The following ELK4 variants were observed in gnomAD, a reference collection of about 807,000 sequenced individuals.
The protein encoded by ELK4 is ETS transcription factor ELK4, also known as ETS domain-containing protein Elk-4.
In ELK4, 16 loss-of-function variants were observed where a neutral mutation model predicts 29.6. The ratio of observed to expected loss-of-function variants is 0.54; its 90% CI spans 0.37 to 0.82. The LOEUF is 0.82. Ranked by LOEUF, ELK4 falls within the 40% of genes least tolerant of loss-of-function variation. The probability of loss-of-function intolerance (pLI) is 0.00; values close to 1 mark genes in which losing one functional copy is unlikely to be tolerated. For synonymous variants in ELK4, 213 were observed against 191.1 expected (o/e 1.11, Z -0.95); for missense variants, 465 against 507.1 (o/e 0.92, Z 0.80).
intron 1 of ELK4, among the ~76,000 whole-genome samples, chr1:205,625,022 TCA>T: frequency 1.3e-5 from 2 of 152,094 alleles, no homozygotes; most frequent in Middle Eastern, 6.8e-3. Context: ...ATTGAATACT[TCA>T]CACACACAAA....
intron 3 of ELK4, chr1:205,619,740 T>C (rs1275656977): frequency 1.4e-6 from 2 of 1,469,220 alleles, no homozygotes; most frequent in Non-Finnish European, 1.8e-6. Flanking sequence ...AAAATATTTA[T>C]TTACTTGTAG....
At chr1:205,618,893 C>T (rs1478399618) in intron 4 of ELK4, 64 bp downstream of exon 4, 8 of 1,219,650 alleles carry the variant, frequency 6.6e-6, no homozygotes, top group South Asian at 2.7e-5. Context: ...TGGGACCCTG[C>T]CTTTTTGCCT....
chr1:205,627,381 C>T (rs1231541889), intron 1 of ELK4, among the ~76,000 whole-genome samples: 1 of 151,816 alleles, frequency 6.6e-6, no homozygotes, highest in Non-Finnish European at 1.5e-5. Context: ...TGGTGGTGGG[C>T]GCCTGTAGTC....
intron 4 of ELK4, among the ~76,000 whole-genome samples, chr1:205,618,382 G>A (rs1670271805): frequency 6.6e-6 from 1 of 151,818 alleles, no homozygotes; most frequent in Non-Finnish European, 1.5e-5. Context: ...ACTTGGGGTA[G>A]GCTCTAAATC....
In ELK4 at chr1:205,631,978, C is replaced by T. The variant is rs1303401972; in HGVS notation, c.-356G>A. 3.3e-5 allele frequency: 5 copies of T among 151,870 alleles called. No individual in the cohort carries two copies. Among genetic ancestry groups the T allele is most frequent in the Non-Finnish European group, 7.4e-5 (5 of 67,924 alleles). 9.4% of individuals were successfully genotyped at this position (151,870 alleles called of 1,614,324 possible). A position where few individuals can be genotyped will look rare whatever the true frequency, so the allele number is the denominator to read the frequency against. The stretch of plus-strand genomic sequence containing the variant: ...CCGCGGCCGCCGCCACTCTCAAACC[C>T]CCCGACTGCTCCTGGGTCCCTCCCA... On this transcript the variant is annotated 5_prime_UTR_variant, in exon 1 of 5. Transcript: ENST00000357992.
chr1:205,625,497 C>G, intron 1 of ELK4: 1 of 715,958 alleles, frequency 1.4e-6, no homozygotes, highest in African/African-American at 1.8e-5. Context: ...AATTCGTGTA[C>G]AAAGAAGAGC....
chr1:205,616,418 G>T lies in ELK4; in HGVS notation c.*128C>A. The T allele has an allele frequency of 1.2e-6, 1 of 804,788 alleles. No homozygotes were observed. Among genetic ancestry groups the T allele is most frequent in the Non-Finnish European group, 2.0e-6 (1 of 505,706 alleles). 49.9% of individuals were successfully genotyped at this position (804,788 alleles called of 1,614,324 possible). ...AGAATCCTAAAAAGATGTTTTCAAT[G>T]GGGAATGGCAAAAATCACAATAGTC... On this transcript the variant is annotated 3_prime_UTR_variant, in exon 5 of 5. Coordinates refer to ENST00000357992, the MANE Select transcript of ELK4 (RefSeq NM_001973.4).
Position 205,620,112 on chromosome 1 carries a change from T to C in ELK4, c.934A>G (p.Lys312Glu), listed in dbSNP as rs1670304745. The C allele has an allele frequency of 6.2e-7, 1 of 1,614,116 alleles. No homozygotes were observed. Among genetic ancestry groups the C allele is most frequent in the African/African-American group, 1.3e-5 (1 of 74,936 alleles). The change falls in exon 3 of 5, where the codon AAA becomes GAA. Residue 312 changes from lysine to glutamate, a missense_variant. Lys to Glu is a moderately conservative substitution (Grantham distance 56). This residue lies in a region of ELK4 where 385 missense variants were observed against 387.5 expected (regional missense o/e 0.99). Transcript: ENST00000357992. ...DQDSVLLEKDKVNNSSRSKKP... is the reference protein window; with the variant it reads ...DQDSVLLEKDEVNNSSRSKKP... ...TTGGATCTTGATGAATTATTTACTT[T>C]GTCCTTTTCTAGCAAGACTGAATCC...
At chr1:205,626,279 G>C (rs1162419835) in intron 1 of ELK4, 1 of 402,336 alleles carries the variant, frequency 2.5e-6, no homozygotes, top group African/African-American at 2.0e-5. Context: ...TAATGTTTGA[G>C]GCTTTCTTTC....
rs1475827980 is a variant in ELK4 at position 205,613,918 on chromosome 1, T to A, written c.*2628A>T. ...GTGAAAACTGATCTGAAGTGGTACA[T>A]CACCTTTCACACTAAGAATTCTGCA... On this transcript the variant is annotated 3_prime_UTR_variant, in exon 5 of 5. Transcript: ENST00000357992. 4.6e-6 allele frequency: 1 copy of A among 219,656 alleles called. No homozygotes were observed. The highest frequency in any genetic ancestry group is 9.1e-6 in the Non-Finnish European group (1 of 109,458). The allele number at this position is 219,656 out of a possible 1,614,324, so 13.6% of individuals were successfully genotyped here.
chr1:205,612,176 GA>G lies in ELK4; in HGVS notation c.*4369del, dbSNP rs1363108692. The stretch of plus-strand genomic sequence containing the variant: ...TTATTATTTGGGAATTTATCAAAAA[GA>G]ATTAATGTGAAATTTCAAAAGTTGA... On this transcript the variant is annotated 3_prime_UTR_variant, in exon 5 of 5. Transcript: ENST00000357992. 22 of 200,464 alleles carry G rather than the reference GA, an allele frequency of 1.1e-4. No individual in the cohort carries two copies. Among genetic ancestry groups the G allele is most frequent in the Non-Finnish European group, 2.0e-4 (19 of 97,368 alleles). 12.4% of individuals were successfully genotyped at this position (200,464 alleles called of 1,614,324 possible).
chr1:205,616,432 A>T lies in ELK4; in HGVS notation c.*114T>A, dbSNP rs1670232654. The T allele has an allele frequency of 1.0e-6, 1 of 959,158 alleles. No homozygotes were observed. Among genetic ancestry groups the T allele is most frequent in the Non-Finnish European group, 1.6e-6 (1 of 636,540 alleles). The allele number at this position is 959,158 out of a possible 1,614,324, so 59.4% of individuals were successfully genotyped here. The stretch of plus-strand genomic sequence containing the variant: ...ATGTTTTCAATGGGGAATGGCAAAA[A>T]TCACAATAGTCTATTATCAGCATTG... On this transcript the variant is annotated 3_prime_UTR_variant, in exon 5 of 5. Coordinates refer to ENST00000357992, the MANE Select transcript of ELK4 (RefSeq NM_001973.4).
Position 205,615,964 on chromosome 1 carries a change from T to C in ELK4, c.*582A>G. The C allele has an allele frequency of 4.5e-6, 1 of 221,268 alleles. No individual in the cohort carries two copies. Among genetic ancestry groups the C allele is most frequent in the Non-Finnish European group, 9.0e-6 (1 of 110,554 alleles). 13.7% of individuals were successfully genotyped at this position (221,268 alleles called of 1,614,324 possible). A position where few individuals can be genotyped will look rare whatever the true frequency, so the allele number is the denominator to read the frequency against. ...CCTTTTCATGGAGTTGCTTACACGT[T>C]ATAGTTCACACAAAACAATCTCCCC... On this transcript the variant is annotated 3_prime_UTR_variant, in exon 5 of 5. Transcript: ENST00000357992.
chr1:205,623,534 T>TG (rs1229977179), intron 2 of ELK4, 142 bp downstream of exon 2: 1 of 858,424 alleles, frequency 1.2e-6, no homozygotes, highest in Non-Finnish European at 1.9e-6. Flanking sequence ...AGGCTGGTCT[T>TG]GAACTCCTGA....
rs989341026 is a variant in ELK4 at position 205,613,421 on chromosome 1, A to T, written c.*3125T>A. The T allele has an allele frequency of 5.4e-6, 1 of 183,566 alleles. No individual in the cohort carries two copies. The highest frequency in any genetic ancestry group is 1.2e-5 in the Non-Finnish European group (1 of 86,390). The allele number at this position is 183,566 out of a possible 1,614,324, so 11.4% of individuals were successfully genotyped here. ...TGTATTTTGAAAAGTCAGTATATAA[A>T]TAAGAAAAAATTATTTTAGAAATTA... On this transcript the variant is annotated 3_prime_UTR_variant, in exon 5 of 5. Transcript: ENST00000357992.
intron 1 of ELK4, among the ~76,000 whole-genome samples, chr1:205,628,203 T>G (rs1280018517): frequency 6.6e-6 from 1 of 152,182 alleles, no homozygotes. Flanking sequence ...GGCCATTAAG[T>G]ATGGTGGAAG....
At position 205,612,176 on chromosome 1, in the gene ELK4, G is replaced by C. The variant is rs1670160444; in HGVS notation, c.*4370C>G. 1 of 200,464 alleles carries C rather than the reference G, an allele frequency of 5.0e-6. No individual in the cohort carries two copies. The highest frequency in any genetic ancestry group is 1.0e-5 in the Non-Finnish European group (1 of 97,368). The allele number at this position is 200,464 out of a possible 1,614,324, so 12.4% of individuals were successfully genotyped here. A position where few individuals can be genotyped will look rare whatever the true frequency, so the allele number is the denominator to read the frequency against. On this transcript the variant is annotated 3_prime_UTR_variant, in exon 5 of 5. Transcript: ENST00000357992. ...TTATTATTTGGGAATTTATCAAAAAGAATTAATGTGAAATTTCAAAAGTTG... is the reference window on the plus strand; with the variant it reads ...TTATTATTTGGGAATTTATCAAAAACAATTAATGTGAAATTTCAAAAGTTG...
Position 205,623,721 on chromosome 1 carries a change from C to A in ELK4, c.162G>T (p.Met54Ile). Residue 54 changes from methionine (M) to isoleucine (I), a missense_variant, in exon 2 of 5, where the codon ATG becomes ATT. Met to Ile is a conservative substitution (Grantham distance 10). Transcript: ENST00000357992. Reference protein sequence around the residue: ...LWGIRKNKPNMNYDKLSRALR... With the variant: ...LWGIRKNKPNINYDKLSRALR... ...GGGCTCGGCTGAGTTTGTCATAATTCATGTTAGGCTTGTTCTTGCGAATCC... is the reference window on the plus strand; with the variant it reads ...GGGCTCGGCTGAGTTTGTCATAATTAATGTTAGGCTTGTTCTTGCGAATCC... 1.2e-6 allele frequency: 2 copies of A among 1,614,074 alleles called. No individual in the cohort carries two copies. Among genetic ancestry groups the A allele is most frequent in the Non-Finnish European group, 1.7e-6 (2 of 1,180,014 alleles).
intron 2 of ELK4, 59 bp downstream of exon 2, chr1:205,623,617 G>A: frequency 6.3e-7 from 1 of 1,589,732 alleles, no homozygotes; most frequent in Admixed American, 1.7e-5. Flanking sequence ...GCCCAGCCAA[G>A]AAGGAATCGT....
Sources: allele counts gnomAD v4.1 joint callset (sites outside exome capture counted in the v4.1 genomes callset), GRCh38; gene constraint gnomAD v4.1.1; regional missense constraint gnomAD v4.1.1; transcripts MANE v1.5; gene names NCBI Gene and HGNC (gene_info 2026-07-23, HGNC 2026-07-21).